Variants in CCSER1 observed in about 807,000 individuals in gnomAD.
CCSER1 encodes serine-rich coiled-coil domain-containing protein 1.
CCSER1 carries 41 observed loss-of-function variants against 82.0 expected under a neutral mutation model. That is an observed-to-expected ratio of 0.50 (90% CI 0.39 to 0.65). CCSER1 has a LOEUF of 0.65. Ranked by LOEUF, CCSER1 falls within the 30% of genes least tolerant of loss-of-function variation. The pLI is 0.00. For synonymous variants in CCSER1, 414 were observed against 383.9 expected, an observed-to-expected ratio of 1.08 and a Z score of -0.92; for missense variants, 1,119 against 1,064.2, an observed-to-expected ratio of 1.05 and a Z score of -0.72.
intron 8 of CCSER1, among the ~76,000 whole-genome samples, chr4:90,895,284 G>A (rs1159307644): frequency 6.6e-6 from 1 of 151,778 alleles, no homozygotes; most frequent in East Asian, 1.9e-4. Flanking sequence ...GGTCCTCTTG[G>A]AGAAAATTAG....
At chr4:90,287,257 A>G (rs1021740674) in intron 1 of CCSER1, among the ~76,000 whole-genome samples, 2 of 151,972 alleles carry the variant, frequency 1.3e-5, no homozygotes, top group African/African-American at 2.4e-5. Flanking sequence ...TTAATGCTAT[A>G]AAATTATTAT....
At chr4:91,263,215 C>G (rs762914127) in intron 10 of CCSER1, among the ~76,000 whole-genome samples, 8 of 151,934 alleles carry the variant, frequency 5.3e-5, no homozygotes, top group Non-Finnish European at 1.0e-4. Flanking sequence ...TCAATAAACT[C>G]GACTAACCAT....
chr4:91,227,511 GTTTA>G (rs1227305687), intron 10 of CCSER1, among the ~76,000 whole-genome samples: 1 of 149,344 alleles, frequency 6.7e-6, no homozygotes, highest in African/African-American at 2.5e-5. Flanking sequence ...AAGAAACAGT[GTTTA>G]TTTTAATTTT....
intron 9 of CCSER1, among the ~76,000 whole-genome samples, chr4:90,971,317 A>G (rs1735087305): frequency 6.6e-6 from 1 of 151,816 alleles, no homozygotes; most frequent in African/African-American, 2.4e-5. Context: ...AGAGAGAGCA[A>G]AGTTGGAAGT....
At chr4:90,389,919 T>C (rs979716697) in intron 3 of CCSER1, among the ~76,000 whole-genome samples, 1 of 152,198 alleles carries the variant, frequency 6.6e-6, no homozygotes, top group African/African-American at 2.4e-5. Flanking sequence ...ATAAAGGTAA[T>C]TCTTTTGAGA....
intron 10 of CCSER1, among the ~76,000 whole-genome samples, chr4:91,475,553 C>G (rs1757546171): frequency 1.3e-5 from 2 of 151,758 alleles, no homozygotes; most frequent in African/African-American, 4.8e-5. Flanking sequence ...AATCACAGTG[C>G]CTTGCACTTA....
intron 9 of CCSER1, among the ~76,000 whole-genome samples, chr4:91,001,776 G>A (rs763460598): frequency 6.6e-6 from 1 of 152,088 alleles, no homozygotes; most frequent in African/African-American, 2.4e-5. Flanking sequence ...TGATATGTGA[G>A]GTACTATTCC....
chr4:90,925,578 A>G (rs573762545), intron 9 of CCSER1, among the ~76,000 whole-genome samples: 2 of 152,306 alleles, frequency 1.3e-5, no homozygotes, highest in African/African-American at 4.8e-5. Context: ...GTGGATAGTT[A>G]TTCTAACACC....
intron 5 of CCSER1, among the ~76,000 whole-genome samples, chr4:90,481,270 G>C (rs557438592): frequency 4.7e-4 from 71 of 152,242 alleles, no homozygotes; most frequent in African/African-American, 1.5e-3. Flanking sequence ...GAGATTTTGG[G>C]CTGAGACAAT....
chr4:91,499,074 C>T (rs539951842), intron 10 of CCSER1, among the ~76,000 whole-genome samples: 3 of 152,000 alleles, frequency 2.0e-5, no homozygotes, highest in African/African-American at 7.2e-5. Flanking sequence ...TTTCTCTAGG[C>T]TTAAACCCAT....
chr4:90,516,062 T>C (rs1049932631), intron 5 of CCSER1, among the ~76,000 whole-genome samples: 4 of 152,172 alleles, frequency 2.6e-5, no homozygotes, highest in African/African-American at 4.8e-5. Flanking sequence ...AATTGCAATA[T>C]TGTAAGTACT....
rs192355588 is a variant in CCSER1 at position 91,193,335 on chromosome 4, T to C, written c.2217+107341T>C. 4.6e-5 allele frequency among the ~76,000 whole-genome samples: 7 copies of C among 152,332 alleles called. No individual in the cohort carries two copies. In the East Asian group the frequency reaches 1.4e-3, roughly 29 times the overall value. On this transcript the variant is annotated intron_variant, in intron 10 of 10. Transcript: ENST00000509176. ...TGTTGGAAGTAGGACCTATGTTGTATATCACTTATTCACAGGAAATTAAAA... is the reference window on the plus strand; with the variant it reads ...TGTTGGAAGTAGGACCTATGTTGTACATCACTTATTCACAGGAAATTAAAA...
At chr4:90,408,280 G>C (rs1462569044) in intron 4 of CCSER1, among the ~76,000 whole-genome samples, 14 of 152,220 alleles carry the variant, frequency 9.2e-5, no homozygotes, top group Admixed American at 7.8e-4. Context: ...GCTTTGAAGA[G>C]AGTAGTGATT....
At chr4:91,078,751 T>C (rs191481974) in intron 9 of CCSER1, among the ~76,000 whole-genome samples, 5 of 152,274 alleles carry the variant, frequency 3.3e-5, no homozygotes, top group African/African-American at 7.2e-5. Flanking sequence ...CTGATGGAGC[T>C]GAAAACCATG....
chr4:91,033,816 G>T (rs1741196847), intron 9 of CCSER1, among the ~76,000 whole-genome samples: 1 of 152,138 alleles, frequency 6.6e-6, no homozygotes, highest in Non-Finnish European at 1.5e-5. Flanking sequence ...AGAAGTACTT[G>T]TAACTCAAAA....
At chr4:91,214,970 A>C (rs1737128450) in intron 10 of CCSER1, among the ~76,000 whole-genome samples, 1 of 152,098 alleles carries the variant, frequency 6.6e-6, no homozygotes, top group Admixed American at 6.5e-5. Flanking sequence ...ACTCTGAAAT[A>C]TCTTCTTGTC....
At chr4:91,133,418 A>G (rs550240703) in intron 10 of CCSER1, among the ~76,000 whole-genome samples, 1 of 152,310 alleles carries the variant, frequency 6.6e-6, no homozygotes, top group East Asian at 1.9e-4. Flanking sequence ...ATAGGAAGTC[A>G]GCGAATGAGT....
At chr4:91,370,629 G>A (rs548018775) in intron 10 of CCSER1, among the ~76,000 whole-genome samples, 1 of 151,880 alleles carries the variant, frequency 6.6e-6, no homozygotes, top group Non-Finnish European at 1.5e-5. Context: ...CTGGGAGGCC[G>A]AGGTTGCAGT....
At chr4:91,242,502 G>A (rs572273361) in intron 10 of CCSER1, among the ~76,000 whole-genome samples, 7 of 152,074 alleles carry the variant, frequency 4.6e-5, no homozygotes, top group African/African-American at 1.7e-4. Flanking sequence ...ATCTCAAAAT[G>A]GATTATAAGT....
Sources: gnomAD v4.1 joint callset for allele counts (sites outside exome capture counted in the v4.1 genomes callset) on GRCh38, gnomAD v4.1.1 for gene constraint, MANE v1.5 for transcripts, NCBI Gene and HGNC (gene_info 2026-07-23, HGNC 2026-07-21) for gene names.